Variants in SYNE2 observed in about 807,000 individuals in gnomAD.
The protein encoded by SYNE2 is spectrin repeat containing nuclear envelope protein 2.
A neutral mutation model predicts 856.3 loss-of-function variants in SYNE2; 431 were observed. The ratio of observed to expected loss-of-function variants is 0.50; its 90% CI spans 0.47 to 0.55. The LOEUF (loss-of-function observed/expected upper bound fraction) is 0.55. Among genes scored for constraint, SYNE2 ranks in the 20% least tolerant of loss-of-function variants. The pLI is 0.00. For synonymous variants in SYNE2, 2,923 were observed against 2,872.3 expected, an observed-to-expected ratio of 1.02 and a Z score of -0.56; for missense variants, 8,129 against 8,023.2, an observed-to-expected ratio of 1.01 and a Z score of -0.50.
intron 50 of SYNE2, 104 bp from the exon 51 acceptor site, chr14:64,065,328 T>A (rs538129679): frequency 1.0e-6 from 1 of 1,004,560 alleles, no homozygotes; most frequent in East Asian, 2.6e-5. Flanking sequence ...GCAATACTTA[T>A]GGAAGATTGA....
rs145518981 is a variant in SYNE2 at position 63,787,643 on chromosome 14, G to A, written c.-305+25657G>A. ...GGTTGTCCCAGCAGGCCCTGGAGTGGGTGGCTCCTCTCTGCAACTGGTAGT... is the reference window on the plus strand; with the variant it reads ...GGTTGTCCCAGCAGGCCCTGGAGTGAGTGGCTCCTCTCTGCAACTGGTAGT... On this transcript the variant is annotated intron_variant, in intron 1 of 23. Coordinates refer to the SYNE2 transcript ENST00000674003. Among the ~76,000 whole-genome samples the A allele has an allele frequency of 3.9e-5, 6 of 152,288 alleles. No individual in the cohort carries two copies. The East Asian group carries it at 7.7e-4, about 20-fold the overall frequency.
In SYNE2 at chr14:64,214,457, C is replaced by T; in HGVS notation, c.19320C>T (p.Tyr6440=). The T allele has an allele frequency of 6.2e-7, 1 of 1,612,878 alleles. No individual in the cohort carries two copies. Among genetic ancestry groups the T allele is most frequent in the Non-Finnish European group, 8.5e-7 (1 of 1,179,854 alleles). The change falls in exon 106 of 116, where the codon TAC becomes TAT. Residue 6440 remains tyrosine (Y), a synonymous_variant. Transcript: ENST00000555002. ...AAGAGGACGAGGAGGGCCCATACTA[C>T]AGCGCACTGTCAGGTAACAGCTGGG... is the stretch of plus-strand genomic sequence containing the variant. ...SHEEDEEGPY[Y]SALSDVEIPE... is the part of the protein sequence containing the mutation.
intron 49 of SYNE2, among the ~76,000 whole-genome samples, chr14:64,060,440 A>G (rs2097307737): frequency 6.6e-6 from 1 of 152,062 alleles, no homozygotes; most frequent in African/African-American, 2.4e-5. Flanking sequence ...TGGAAATGTC[A>G]CCTAGGAGCT....
At chr14:63,806,213 C>A (rs1160330058) in intron 1 of SYNE2, among the ~76,000 whole-genome samples, 1 of 152,034 alleles carries the variant, frequency 6.6e-6, no homozygotes, top group East Asian at 1.9e-4. Flanking sequence ...TTATTGAAAG[C>A]CTTTTCTGTG....
chr14:63,865,007 C>T (rs1460463071), intron 1 of SYNE2, among the ~76,000 whole-genome samples: 1 of 149,964 alleles, frequency 6.7e-6, no homozygotes, highest in Non-Finnish European at 1.5e-5. Context: ...TCTAGCTTTG[C>T]CATATACTAG....
chr14:63,856,730 A>G (rs1055906784), intron 1 of SYNE2, among the ~76,000 whole-genome samples: 1 of 151,812 alleles, frequency 6.6e-6, no homozygotes, highest in Non-Finnish European at 1.5e-5. Context: ...CCCCTTTCCT[A>G]CTTTCATCAA....
intron 45 of SYNE2, among the ~76,000 whole-genome samples, chr14:64,038,134 C>T (rs868249225): frequency 5.6e-4 from 85 of 152,080 alleles, no homozygotes; most frequent in Middle Eastern, 6.8e-3. Flanking sequence ...GGGTCCCGGC[C>T]GGGCAGAGGC....
intron 99 of SYNE2, chr14:64,190,788 G>A: frequency 1.5e-6 from 1 of 658,804 alleles, no homozygotes; most frequent in Admixed American, 2.1e-5. Flanking sequence ...CTAAATCAAA[G>A]GACCACAAAT....
chr14:64,214,439 C>A lies in SYNE2; in HGVS notation c.19302C>A (p.Asp6434Glu). The A allele has an allele frequency of 6.2e-7, 1 of 1,613,658 alleles. No homozygotes were observed. The highest frequency in any genetic ancestry group is 8.5e-7 in the Non-Finnish European group (1 of 1,179,956). ...GGGGCTCCTCCTCTCACGAAGAGGA[C>A]GAGGAGGGCCCATACTACAGCGCAC... ...DVGGSSSHEE[D>E]EEGPYYSALS... The change falls in exon 106 of 116, where the codon GAC (aspartate) becomes GAA (glutamate). Residue 6434 changes from aspartate to glutamate, a missense_variant. Around this residue, in one of 3 missense-constraint regions of SYNE2, gnomAD observed 5,410 missense variants for 5,284.8 expected, o/e 1.02. Transcript: ENST00000555002.
intron 83 of SYNE2, 29 bp from the exon 84 acceptor site, chr14:64,146,039 C>A (rs1200340790): frequency 6.8e-7 from 1 of 1,476,544 alleles, no homozygotes; most frequent in Non-Finnish European, 9.2e-7. Context: ...TACATTTTAA[C>A]ATTTTTTGTA....
chr14:63,908,911 A>C lies in SYNE2; in HGVS notation c.-51-187A>C, dbSNP rs76384314. Reference sequence around the variant, plus strand: ...AAGGGCATGAATAAGTCATAGGGCAAAATCTTGATTATGATTCAAAAAGAA... The same window carrying C: ...AAGGGCATGAATAAGTCATAGGGCACAATCTTGATTATGATTCAAAAAGAA... On this transcript the variant is annotated intron_variant, in intron 1 of 115. Transcript: ENST00000555002. Among the ~76,000 whole-genome samples the C allele has an allele frequency of 4.1e-4, 62 of 152,322 alleles. 1 individual carries two copies. In the East Asian group the frequency reaches 0.012, roughly 29 times the overall value.
At chr14:64,024,071 C>T in intron 38 of SYNE2, 186 bp from the exon 39 acceptor site, 1 of 569,086 alleles carries the variant, frequency 1.8e-6, no homozygotes, top group Non-Finnish European at 3.2e-6. Context: ...ATGTAATTCC[C>T]AAGAAGTCAG....
rs76443138 is a variant in SYNE2 at position 63,997,507 on chromosome 14, A to G, written c.3243+116A>G. The G allele has an allele frequency of 0.015, 13,918 of 922,108 alleles. 177 individuals are homozygous for G. Among genetic ancestry groups the G allele is most frequent in the Non-Finnish European group, 0.021 (12,177 of 577,798 alleles). 57.1% of individuals were successfully genotyped at this position (922,108 alleles called of 1,614,324 possible). On this transcript the variant is annotated intron_variant, in intron 25 of 115. Coordinates refer to ENST00000555002, the MANE Select transcript of SYNE2 (RefSeq NM_182914.3). Reference sequence around the variant, plus strand: ...TTTAATTATTCGATTGTTTTTATCAATGGAGAATTTCCACTTACACAATGC... The same window carrying G: ...TTTAATTATTCGATTGTTTTTATCAGTGGAGAATTTCCACTTACACAATGC...
upstream of SYNE2, among the ~76,000 whole-genome samples, chr14:63,852,252 G>A (rs1204583398): frequency 6.6e-6 from 1 of 152,160 alleles, no homozygotes; most frequent in Non-Finnish European, 1.5e-5. Context: ...TAGTAATACG[G>A]TAATCACAGC....
At chr14:63,843,029 T>C (rs1409166017) in intron 1 of SYNE2, among the ~76,000 whole-genome samples, 1 of 152,102 alleles carries the variant, frequency 6.6e-6, no homozygotes, top group Non-Finnish European at 1.5e-5. Flanking sequence ...TTTTGTATGT[T>C]AATTTAATTT....
intron 1 of SYNE2, among the ~76,000 whole-genome samples, chr14:63,865,723 C>CG (rs1296811614): frequency 1.0e-5 from 1 of 99,828 alleles, no homozygotes; most frequent in Non-Finnish European, 2.0e-5. Context: ...CACCCCCCCC[C>CG]CAAAAAAAAA....
chr14:63,800,802 C>G (rs911627117), intron 1 of SYNE2, among the ~76,000 whole-genome samples: 2 of 152,056 alleles, frequency 1.3e-5, no homozygotes, highest in Non-Finnish European at 2.9e-5. Flanking sequence ...ACACTGTGAT[C>G]TACTTGAGGG....
chr14:64,106,580 C>T (rs186555255), intron 64 of SYNE2, among the ~76,000 whole-genome samples: 11 of 152,198 alleles, frequency 7.2e-5, no homozygotes, highest in Admixed American at 1.3e-4. Context: ...ACCCAGGAGG[C>T]GGAGCTTGTG....
chr14:64,019,869 A>G, intron 34 of SYNE2, 123 bp from the exon 35 acceptor site: 1 of 724,008 alleles, frequency 1.4e-6, no homozygotes, highest in East Asian at 2.7e-5. Flanking sequence ...CTGACAAAAC[A>G]CACATGATTA....
Sources: gnomAD v4.1 joint callset for allele counts (sites outside exome capture counted in the v4.1 genomes callset) on GRCh38, gnomAD v4.1.1 for gene constraint, gnomAD v4.1.1 regional missense constraint, MANE v1.5 for transcripts, NCBI Gene and HGNC (gene_info 2026-07-23, HGNC 2026-07-21) for gene names.